Variants in SPTSSB observed in about 807,000 individuals in gnomAD.
SPTSSB encodes the protein serine palmitoyltransferase small subunit B.
Under a neutral mutation model 7.7 loss-of-function variants are expected in SPTSSB, and 6 were observed. The observed-to-expected ratio is 0.78, with a 90% confidence interval of 0.43 to 1.54. The LOEUF (loss-of-function observed/expected upper bound fraction) is 1.54, where lower values mean the gene tolerates loss of function less well. Ranked by LOEUF, SPTSSB falls within the 40% of genes most tolerant of loss-of-function variation. The pLI, the probability that SPTSSB is intolerant of heterozygous loss-of-function variation, is 0.01. For missense variants in SPTSSB, 91 were observed against 93.0 expected (o/e 0.98, Z 0.09); for synonymous variants, 28 against 29.7 (o/e 0.94, Z 0.19).
chr3:161,360,316 C>T (rs961215109), intron 1 of SPTSSB, among the ~76,000 whole-genome samples: 5 of 152,080 alleles, frequency 3.3e-5, no homozygotes, highest in African/African-American at 4.8e-5. Context: ...CCATGGGGGA[C>T]ACGGGGAAGA....
In SPTSSB at chr3:161,345,906, G is replaced by A; in HGVS notation, c.*187C>T. On this transcript the variant is annotated 3_prime_UTR_variant, in exon 3 of 3. Transcript: ENST00000620149. Reference sequence around the variant, plus strand: ...TATCTCCGGTCTAAAGCACAATGTAGCATGTGCAAAAGAAACTAAAGAGAC... The same window carrying A: ...TATCTCCGGTCTAAAGCACAATGTAACATGTGCAAAAGAAACTAAAGAGAC... 1.9e-6 allele frequency: 1 copy of A among 525,082 alleles called. No individual in the cohort carries two copies. The highest frequency in any genetic ancestry group is 3.4e-6 in the Non-Finnish European group (1 of 291,404). The allele number at this position is 525,082 out of a possible 1,614,324, so 32.5% of individuals were successfully genotyped here. A position where few individuals can be genotyped will look rare whatever the true frequency, so the allele number is the denominator to read the frequency against.
chr3:161,355,785 A>G (rs1209237868), intron 2 of SPTSSB, among the ~76,000 whole-genome samples: 1 of 152,212 alleles, frequency 6.6e-6, no homozygotes, highest in East Asian at 1.9e-4. Flanking sequence ...TATACTTAAC[A>G]CCACTTAACT....
intron 2 of SPTSSB, among the ~76,000 whole-genome samples, chr3:161,358,839 T>C (rs748671408): frequency 6.6e-6 from 1 of 152,222 alleles, no homozygotes; most frequent in Non-Finnish European, 1.5e-5. Context: ...ATTTTTGAAT[T>C]AGTAAAATCA....
rs1032138224 is a variant in SPTSSB at position 161,371,337 on chromosome 3, T to C, written c.-126+98A>G. On this transcript the variant is annotated intron_variant, in intron 1 of 2. Coordinates refer to ENST00000620149, the MANE Select transcript of SPTSSB (RefSeq NM_001040100.2). ...TTAAATAATAAACTGATAAATTGCA[T>C]TAAAGCTCAGTATTAATTTTTTCCT... 1.0e-5 allele frequency: 8 copies of C among 801,406 alleles called. No individual in the cohort carries two copies. In the Admixed American group the frequency reaches 4.4e-4, roughly 44 times the overall value. 49.6% of individuals were successfully genotyped at this position (801,406 alleles called of 1,614,324 possible).
At chr3:161,369,316 C>A (rs199751636) in intron 1 of SPTSSB, among the ~76,000 whole-genome samples, 1 of 45,380 alleles carries the variant, frequency 2.2e-5, no homozygotes, top group African/African-American at 1.1e-4. Flanking sequence ...CTTTCTTTCT[C>A]TTTCTTTCTT....
At chr3:161,368,429 CTTTTTTT>C (rs35828837) in intron 1 of SPTSSB, among the ~76,000 whole-genome samples, 5 of 134,792 alleles carry the variant, frequency 3.7e-5, no homozygotes, top group Admixed American at 7.4e-5. Flanking sequence ...ATCTTACCTT[CTTTTTTT>C]TTTTTTTTGA....
In SPTSSB at chr3:161,356,625, T is replaced by C. The variant is rs1252493697; in HGVS notation, c.-33+3177A>G. Among the ~76,000 whole-genome samples the C allele has an allele frequency of 2.6e-5, 4 of 152,366 alleles. No homozygotes were observed. The East Asian group carries it at 7.7e-4, about 29-fold the overall frequency. On this transcript the variant is annotated intron_variant, in intron 2 of 2. Transcript: ENST00000620149. The stretch of plus-strand genomic sequence containing the variant: ...TTATACAACTTTTTAAAAAAACATA[T>C]TTATCTGTCTCTCCCACTTCTGCTT...
chr3:161,349,379 G>A (rs907554512), intron 2 of SPTSSB, among the ~76,000 whole-genome samples: 7 of 152,162 alleles, frequency 4.6e-5, no homozygotes, highest in Non-Finnish European at 8.8e-5. Flanking sequence ...CTAGATGATA[G>A]CAAACATTTT....
chr3:161,359,015 C>A (rs953043464), intron 2 of SPTSSB, among the ~76,000 whole-genome samples: 1 of 152,122 alleles, frequency 6.6e-6, no homozygotes, highest in African/African-American at 2.4e-5. Context: ...TTGTTTTTGT[C>A]CACATCCCCT....
chr3:161,352,453 T>G (rs547840298), intron 2 of SPTSSB, among the ~76,000 whole-genome samples: 327 of 152,360 alleles, frequency 2.1e-3, no homozygotes, highest in African/African-American at 7.5e-3. Context: ...GAAAATATTA[T>G]TACTCTCTTT....
rs541948207 is a variant in SPTSSB, at chr3:161,367,754, GC to G, written c.-126+3680del. Among the ~76,000 whole-genome samples, 14 of 152,304 alleles carry G rather than the reference GC, an allele frequency of 9.2e-5. 1 individual carries two copies. The East Asian group carries it at 2.7e-3, about 29-fold the overall frequency. ...CTTTTCCTCTTCCCAAGACTCTCTG[GC>G]TTTTAGGGCCAGTCTAGTGTAGGCA... On this transcript the variant is annotated intron_variant, in intron 1 of 2. Transcript: ENST00000620149.
At chr3:161,370,945 T>A (rs1472012269) in intron 1 of SPTSSB, among the ~76,000 whole-genome samples, 1 of 152,240 alleles carries the variant, frequency 6.6e-6, no homozygotes, top group African/African-American at 2.4e-5. Flanking sequence ...GCTTAATACT[T>A]ACAAGAGAAT....
At chr3:161,352,551 A>G (rs1221191883) in intron 2 of SPTSSB, among the ~76,000 whole-genome samples, 2 of 152,218 alleles carry the variant, frequency 1.3e-5, no homozygotes, top group Non-Finnish European at 2.9e-5. Flanking sequence ...GGGAATGTGC[A>G]GCATTCATCT....
At chr3:161,353,928 T>C (rs1246938992) in intron 2 of SPTSSB, among the ~76,000 whole-genome samples, 1 of 152,104 alleles carries the variant, frequency 6.6e-6, no homozygotes, top group African/African-American at 2.4e-5. Context: ...CAATTCCTCA[T>C]GTTGACAGCA....
At chr3:161,347,111 T>C (rs1221008980) in intron 2 of SPTSSB, among the ~76,000 whole-genome samples, 1 of 152,212 alleles carries the variant, frequency 6.6e-6, no homozygotes, top group Non-Finnish European at 1.5e-5. Context: ...TCTGTACCTC[T>C]ACTCTTCCCT....
intron 1 of SPTSSB, among the ~76,000 whole-genome samples, chr3:161,362,801 T>G (rs1375967598): frequency 6.6e-6 from 1 of 152,106 alleles, no homozygotes; most frequent in Admixed American, 6.5e-5. Flanking sequence ...CTACGGTATC[T>G]AATTTAGTGA....
chr3:161,356,366 A>G (rs758349032), intron 2 of SPTSSB, among the ~76,000 whole-genome samples: 5 of 152,136 alleles, frequency 3.3e-5, no homozygotes, highest in Non-Finnish European at 7.4e-5. Context: ...ACCTATTGTT[A>G]TTACATTTTA....
chr3:161,371,316 A>G, intron 1 of SPTSSB, 119 bp downstream of exon 1: 1 of 664,012 alleles, frequency 1.5e-6, no homozygotes, highest in Non-Finnish European at 1.9e-6. Flanking sequence ...ATGCAGTTAA[A>G]TAATAAACTG....
chr3:161,349,691 T>A (rs575674519), intron 2 of SPTSSB, among the ~76,000 whole-genome samples: 36 of 152,316 alleles, frequency 2.4e-4, no homozygotes, highest in Non-Finnish European at 4.4e-4. Context: ...CTAAGCAGAC[T>A]GTGATGTGGC....
Sources: gnomAD v4.1 joint callset for allele counts (sites outside exome capture counted in the v4.1 genomes callset) on GRCh38, gnomAD v4.1.1 for gene constraint, MANE v1.5 for transcripts, NCBI Gene and HGNC (gene_info 2026-07-23, HGNC 2026-07-21) for gene names.